DPF2: variants seen among roughly 807,000 people sequenced by gnomAD.
The protein encoded by DPF2 is zinc finger protein ubi-d4.
A neutral mutation model predicts 59.6 loss-of-function variants in DPF2; 10 were observed. That is an observed-to-expected ratio of 0.17 (90% CI 0.10 to 0.28). The LOEUF (loss-of-function observed/expected upper bound fraction) is 0.28, where lower values mean the gene tolerates loss of function less well. DPF2 is among the 10% of genes least tolerant of loss of function. DPF2 has a pLI of 1.00. For missense variants in DPF2, 315 were observed against 509.4 expected (o/e 0.62, Z 3.67); for synonymous variants, 189 against 190.6 (o/e 0.99, Z 0.07).
intron 1 of DPF2, among the ~76,000 whole-genome samples, chr11:65,335,704 C>T (rs556637465): frequency 6.6e-6 from 1 of 152,318 alleles, no homozygotes; most frequent in South Asian, 2.1e-4. Context: ...TCTATTCTTC[C>T]AGTTCATTTG....
rs768757334 is a variant in DPF2, at chr11:65,353,846, A to G, written c.*2087A>G. Reference sequence around the variant, plus strand: ...GAGGAGCAGAGCGCAGCCCGTCCTCATGCTTTTCCACTGAAGTAGGCCAGG... The same window carrying G: ...GAGGAGCAGAGCGCAGCCCGTCCTCGTGCTTTTCCACTGAAGTAGGCCAGG... On this transcript the variant is annotated 3_prime_UTR_variant, in exon 11 of 11. Coordinates refer to ENST00000528416, the MANE Select transcript of DPF2 (RefSeq NM_006268.5). Among the ~76,000 whole-genome samples the G allele has an allele frequency of 6.6e-6, 1 of 152,204 alleles. No individual in the cohort carries two copies. The highest frequency in any genetic ancestry group is 1.5e-5 in the Non-Finnish European group (1 of 68,046).
chr11:65,348,635 G>C, intron 9 of DPF2: 1 of 426,540 alleles, frequency 2.3e-6, no homozygotes, highest in Non-Finnish European at 4.2e-6. Flanking sequence ...AAAAAAAGTG[G>C]AGGTGATTTG....
intron 4 of DPF2, 133 bp from the exon 5 acceptor site, chr11:65,343,612 T>C (rs1854443600): frequency 1.4e-6 from 1 of 729,736 alleles, no homozygotes; most frequent in Admixed American, 2.4e-5. Context: ...TTGAAAGGCG[T>C]TGGTGAGGAA....
chr11:65,342,302 T>C (rs1590933524), intron 4 of DPF2, among the ~76,000 whole-genome samples: 1 of 152,156 alleles, frequency 6.6e-6, no homozygotes, highest in East Asian at 1.9e-4. Context: ...AATAAAAAAT[T>C]AGCTGGGCAT....
At chr11:65,337,540 GAGAGAGA>G (rs1854231186) in intron 1 of DPF2, among the ~76,000 whole-genome samples, 4 of 132,086 alleles carry the variant, frequency 3.0e-5, no homozygotes, top group African/African-American at 1.1e-4. Flanking sequence ...GAGAGAGAGA[GAGAGAGA>G]ACAATGTTAA....
chr11:65,336,065 G>A (rs1357063573), intron 1 of DPF2, among the ~76,000 whole-genome samples: 3 of 151,710 alleles, frequency 2.0e-5, no homozygotes, highest in African/African-American at 4.8e-5. Context: ...CACCCGCCTC[G>A]GCCTCCCAAA....
chr11:65,334,284 GC>G (rs1183357746), intron 1 of DPF2, among the ~76,000 whole-genome samples: 1 of 152,158 alleles, frequency 6.6e-6, no homozygotes, highest in Non-Finnish European at 1.5e-5. Flanking sequence ...GGCCCGGGCG[GC>G]CCTACGGCTG....
chr11:65,344,703 C>T, intron 6 of DPF2: 1 of 1,434,238 alleles, frequency 7.0e-7, no homozygotes, highest in Non-Finnish European at 9.5e-7. Flanking sequence ...TTCTCATTTC[C>T]TGGGATGCTA....
chr11:65,345,407 A>G (rs1042736610), intron 6 of DPF2: 21 of 503,408 alleles, frequency 4.2e-5, no homozygotes, highest in East Asian at 2.4e-4. Flanking sequence ...AAGCCCCCCA[A>G]AAGTCAACAT....
At chr11:65,337,496 TATATATATAGAGAGAGAGAG>T (rs1442542092) in intron 1 of DPF2, among the ~76,000 whole-genome samples, 66 of 57,210 alleles carry the variant, frequency 1.2e-3, no homozygotes, top group African/African-American at 3.9e-3. Context: ...TATATATATA[TATATATATAGAGAGAGAGAG>T]AGAGAGAGAG....
At chr11:65,344,138 G>T in intron 6 of DPF2, 69 bp downstream of exon 6, 15 of 1,515,746 alleles carry the variant, frequency 9.9e-6, no homozygotes, top group Non-Finnish European at 1.4e-5. Context: ...TATGAGAGGA[G>T]GGAGGGTTGT....
At chr11:65,334,518 C>T (rs1244990494) in intron 1 of DPF2, among the ~76,000 whole-genome samples, 1 of 152,236 alleles carries the variant, frequency 6.6e-6, no homozygotes, top group African/African-American at 2.4e-5. Context: ...GGGCCTTGGC[C>T]CCGTCCAGTA....
chr11:65,346,485 C>A, intron 9 of DPF2, 126 bp downstream of exon 9: 1 of 750,194 alleles, frequency 1.3e-6, no homozygotes, highest in Non-Finnish European at 2.2e-6. Flanking sequence ...CCACACGCCC[C>A]TCCCTAGCAT....
chr11:65,341,252 G>A, intron 3 of DPF2, 147 bp from the exon 4 acceptor site: 1 of 1,300,034 alleles, frequency 7.7e-7, no homozygotes, highest in East Asian at 2.5e-5. Flanking sequence ...AAGTTATGGT[G>A]CCAAGTGAAC....
In DPF2 at chr11:65,341,481, G is replaced by C. The variant is rs1854370536; in HGVS notation, c.384G>C (p.Leu128=). The stretch of plus-strand genomic sequence containing the variant: ...AGGCTCTGTTGCGCACTGACCCCCT[G>C]GAGAAGCGAGGTGCCCCGGATCCCC... ...SLEALLRTDP[L]EKRGAPDPRV... The change falls in exon 4 of 11, where the codon CTG becomes CTC. Residue 128 remains leucine (L), a synonymous_variant. Coordinates refer to ENST00000528416, the MANE Select transcript of DPF2 (RefSeq NM_006268.5). 1.2e-6 allele frequency: 2 copies of C among 1,614,194 alleles called. No individual in the cohort carries two copies. The highest frequency in any genetic ancestry group is 1.7e-6 in the Non-Finnish European group (2 of 1,180,030).
chr11:65,347,549 G>C (rs1235503531), intron 9 of DPF2: 1 of 151,772 alleles, frequency 6.6e-6, no homozygotes, highest in East Asian at 1.9e-4. Flanking sequence ...TGCTGAGCTG[G>C]TCTCAAACTC....
Position 65,345,520 on chromosome 11 carries a change from G to A in DPF2, c.638-146G>A, listed in dbSNP as rs1366514776. On this transcript the variant is annotated intron_variant, in intron 6 of 10. Coordinates refer to ENST00000528416, the MANE Select transcript of DPF2 (RefSeq NM_006268.5). Reference sequence around the variant, plus strand: ...TGCTCCTGGCTGAGGGGAAGTGGCCGTCACTCAAGGCCTGTCCCAGAGTGG... The same window carrying A: ...TGCTCCTGGCTGAGGGGAAGTGGCCATCACTCAAGGCCTGTCCCAGAGTGG... 15 of 1,150,428 alleles carry A rather than the reference G, an allele frequency of 1.3e-5. No individual in the cohort carries two copies. The African/African-American group carries it at 1.4e-4, about 11-fold the overall frequency. The allele number at this position is 1,150,428 out of a possible 1,614,324, so 71.3% of individuals were successfully genotyped here. A position where few individuals can be genotyped will look rare whatever the true frequency, so the allele number is the denominator to read the frequency against.
intron 4 of DPF2, among the ~76,000 whole-genome samples, chr11:65,342,993 C>CA (rs755354439): frequency 0.039 from 3,697 of 94,012 alleles, 62 homozygotes; most frequent in African/African-American, 0.073. Flanking sequence ...GACTCCATCT[C>CA]AAAAAAAAAA....
chr11:65,346,436 A>G, intron 9 of DPF2, 77 bp downstream of exon 9: 1 of 1,339,612 alleles, frequency 7.5e-7, no homozygotes, highest in South Asian at 1.3e-5. Flanking sequence ...CTCTAAAGTG[A>G]GCTTTCTTTT....
Sources: allele counts gnomAD v4.1 joint callset (sites outside exome capture counted in the v4.1 genomes callset), GRCh38; gene constraint gnomAD v4.1.1; transcripts MANE v1.5; gene names NCBI Gene and HGNC (gene_info 2026-07-23, HGNC 2026-07-21).